The following DCAF5 variants were observed in gnomAD, a reference collection of about 807,000 sequenced individuals.
DCAF5 encodes DDB1 and CUL4 associated factor 5.
DCAF5 carries 9 observed loss-of-function variants against 80.7 expected under a neutral mutation model. The ratio of observed to expected loss-of-function variants is 0.11; its 90% CI spans 0.07 to 0.19. The LOEUF is 0.19. Among genes scored for constraint, DCAF5 ranks in the 10% least tolerant of loss-of-function variants. DCAF5 has a pLI of 1.00. For missense variants in DCAF5, 842 were observed against 1,205.7 expected (o/e 0.70, Z 4.47); for synonymous variants, 433 against 461.9 (o/e 0.94, Z 0.80).
chr14:69,107,836 A>T (rs965873832), intron 5 of DCAF5, among the ~76,000 whole-genome samples: 1 of 152,262 alleles, frequency 6.6e-6, no homozygotes, highest in Non-Finnish European at 1.5e-5. Context: ...TGGGATGAGT[A>T]TAACACTATA....
At chr14:69,149,544 C>T (rs1206155818) in intron 1 of DCAF5, 1 of 152,180 alleles carries the variant, frequency 6.6e-6, no homozygotes, top group African/African-American at 2.4e-5. Context: ...ACTAATAGTA[C>T]TTTACCCAGC....
At chr14:69,129,911 TAC>T (rs1566780872) in intron 1 of DCAF5, among the ~76,000 whole-genome samples, 1 of 152,198 alleles carries the variant, frequency 6.6e-6, no homozygotes. Flanking sequence ...AAAATACAAC[TAC>T]ATACTCTGGT....
intron 4 of DCAF5, among the ~76,000 whole-genome samples, chr14:69,116,917 A>G (rs1001340204): frequency 4.6e-5 from 7 of 152,170 alleles, no homozygotes; most frequent in African/African-American, 1.7e-4. Flanking sequence ...AACCATGCAC[A>G]GATTTGATGA....
intron 2 of DCAF5, among the ~76,000 whole-genome samples, chr14:69,119,522 G>T (rs2040644323): frequency 6.6e-6 from 1 of 151,116 alleles, no homozygotes; most frequent in Non-Finnish European, 1.5e-5. Flanking sequence ...CTACAACCTG[G>T]GCAACATAGT....
At chr14:69,114,782 ATATT>A (rs1211036916) in intron 5 of DCAF5, among the ~76,000 whole-genome samples, 1 of 152,204 alleles carries the variant, frequency 6.6e-6, no homozygotes, top group Non-Finnish European at 1.5e-5. Context: ...GAAAGAAACT[ATATT>A]TATTAGTGAG....
At chr14:69,111,592 A>T (rs2040368457) in intron 5 of DCAF5, among the ~76,000 whole-genome samples, 1 of 152,210 alleles carries the variant, frequency 6.6e-6, no homozygotes, top group African/African-American at 2.4e-5. Context: ...GAAAAGGATG[A>T]GACAAGTAGA....
intron 6 of DCAF5, 73 bp from the exon 7 acceptor site, chr14:69,075,484 C>T: frequency 1.0e-6 from 1 of 1,003,352 alleles, no homozygotes; most frequent in Non-Finnish European, 1.3e-6. Context: ...TAACAATAAA[C>T]ATATTAATTT....
chr14:69,136,021 T>C (rs2041182563), intron 1 of DCAF5, among the ~76,000 whole-genome samples: 1 of 152,180 alleles, frequency 6.6e-6, no homozygotes, highest in Non-Finnish European at 1.5e-5. Flanking sequence ...TTTAAGAAAC[T>C]TCTACTTGTT....
chr14:69,084,091 T>C, intron 6 of DCAF5: 1 of 793,962 alleles, frequency 1.3e-6, no homozygotes. Context: ...ATCCTGCAGC[T>C]GAACTCATTG....
At chr14:69,084,902 T>C in intron 6 of DCAF5, 5 of 1,386,002 alleles carry the variant, frequency 3.6e-6, no homozygotes, top group Non-Finnish European at 5.1e-6. Context: ...CCCTAAGGAA[T>C]AATATTCATC....
chr14:69,082,476 A>C lies in DCAF5; in HGVS notation c.880-7065T>G, dbSNP rs1594963203. ...TGTAGAAAAAATTCTATTAAGGAATATTCCATAAAGGCAGCCAATAACAGT... is the reference window on the plus strand; with the variant it reads ...TGTAGAAAAAATTCTATTAAGGAATCTTCCATAAAGGCAGCCAATAACAGT... On this transcript the variant is annotated intron_variant, in intron 6 of 8. Coordinates refer to ENST00000341516, the MANE Select transcript of DCAF5 (RefSeq NM_003861.3). Among the ~76,000 whole-genome samples the C allele has an allele frequency of 2.8e-5, 4 of 141,706 alleles. No individual in the cohort carries two copies. The South Asian group carries it at 9.2e-4, about 33-fold the overall frequency. The allele number at this position is 141,706 out of a possible 152,430, so 93.0% of individuals were successfully genotyped here. A position where few individuals can be genotyped will look rare whatever the true frequency, so the allele number is the denominator to read the frequency against.
At chr14:69,065,161 G>A (rs1185124098) in intron 7 of DCAF5, among the ~76,000 whole-genome samples, 2 of 138,964 alleles carry the variant, frequency 1.4e-5, no homozygotes, top group Non-Finnish European at 1.5e-5. Flanking sequence ...GCAGTGGCTC[G>A]ATCTCGGCTC....
At chr14:69,087,458 C>T (rs1197136590) in intron 6 of DCAF5, among the ~76,000 whole-genome samples, 2 of 152,174 alleles carry the variant, frequency 1.3e-5, no homozygotes, top group African/African-American at 4.8e-5. Context: ...AGAAGGTAGG[C>T]TTGCTTTAAA....
intron 4 of DCAF5, among the ~76,000 whole-genome samples, chr14:69,117,151 A>G (rs2040567082): frequency 6.6e-6 from 1 of 152,236 alleles, no homozygotes; most frequent in Non-Finnish European, 1.5e-5. Flanking sequence ...AATACAAAGA[A>G]AGCACTTCTC....
At chr14:69,076,352 G>A (rs897648627) in intron 6 of DCAF5, among the ~76,000 whole-genome samples, 4 of 152,160 alleles carry the variant, frequency 2.6e-5, no homozygotes, top group African/African-American at 9.7e-5. Flanking sequence ...TTTCATAGCA[G>A]CATTATTCAC....
At chr14:69,119,363 CTGGAAAAAAGATTTATAGAAATAA>C in intron 2 of DCAF5, 133 bp from the exon 3 acceptor site, 1 of 796,336 alleles carries the variant, frequency 1.3e-6, no homozygotes, top group Non-Finnish European at 2.0e-6. Flanking sequence ...GAAGTGTTAA[CTGGAAAAAAGATTTATAGAAATAA>C]TTTAAGAAGG....
intron 7 of DCAF5, among the ~76,000 whole-genome samples, chr14:69,065,047 T>C (rs1213483754): frequency 2.6e-5 from 4 of 151,470 alleles, no homozygotes; most frequent in Non-Finnish European, 5.9e-5. Flanking sequence ...GCCTGAAAAT[T>C]CAGACCATGG....
chr14:69,137,674 C>T (rs1192421506), intron 1 of DCAF5, among the ~76,000 whole-genome samples: 1 of 152,180 alleles, frequency 6.6e-6, no homozygotes, highest in African/African-American at 2.4e-5. Context: ...GGCTAGCTGC[C>T]AAACACTCAA....
chr14:69,150,959 CATG>C (rs2041683824), intron 1 of DCAF5, among the ~76,000 whole-genome samples: 1 of 152,160 alleles, frequency 6.6e-6, no homozygotes, highest in South Asian at 2.1e-4. Context: ...ATTCCGTTAA[CATG>C]ATTAGTTCAG....
Sources: gnomAD v4.1 joint callset for allele counts (sites outside exome capture counted in the v4.1 genomes callset) on GRCh38, gnomAD v4.1.1 for gene constraint, MANE v1.5 for transcripts, NCBI Gene and HGNC (gene_info 2026-07-23, HGNC 2026-07-21) for gene names.